Variants in OTOF observed in about 807,000 individuals in gnomAD.
OTOF encodes otoferlin.
In OTOF, 218 loss-of-function variants were observed where a neutral mutation model predicts 236.8. The ratio of observed to expected loss-of-function variants is 0.92; its 90% confidence interval spans 0.82 to 1.03. The LOEUF (loss-of-function observed/expected upper bound fraction) is 1.03. Among genes scored for constraint, OTOF ranks in the 50% least tolerant of loss-of-function variants. The pLI is 0.00. For missense variants in OTOF, 2,590 were observed against 2,694.4 expected, an observed-to-expected ratio of 0.96 and a Z score of 0.86; for synonymous variants, 1,041 against 1,072.5, an observed-to-expected ratio of 0.97 and a Z score of 0.57.
At chr2:26,519,909 T>C (rs184095633) in intron 3 of OTOF, among the ~76,000 whole-genome samples, 47 of 152,358 alleles carry the variant, frequency 3.1e-4, no homozygotes, top group African/African-American at 1.1e-3. Flanking sequence ...ATTCATGTAC[T>C]GCCTCTAAAC....
In OTOF at chr2:26,460,103, G is replaced by A. The variant is rs753228900; in HGVS notation, c.5916C>T (p.Leu1972=). The A allele has an allele frequency of 6.3e-6, 10 of 1,585,560 alleles. No homozygotes were observed. The Admixed American group carries it at 9.0e-5, about 14-fold the overall frequency. ...YRWLLLKLLL[L]LLLLLLLALF... is the part of the protein sequence containing the mutation. Reference sequence around the variant, plus strand: ...GGGCGAGGAGGAGGAGCAGCAGCAGGAGCAGCAACAGTTTGAGGAGCAGCC... The same window carrying A: ...GGGCGAGGAGGAGGAGCAGCAGCAGAAGCAGCAACAGTTTGAGGAGCAGCC... The change falls in exon 46 of 47, where the codon CTC becomes CTT. Residue 1972 remains leucine, a synonymous_variant. Transcript: ENST00000272371. This position sits in a 1 kb window ranked among gnomAD's most constrained non-coding sequence, Gnocchi z 5.3.
At chr2:26,518,647 G>C (rs1428845231) in intron 4 of OTOF, among the ~76,000 whole-genome samples, 1 of 152,284 alleles carries the variant, frequency 6.6e-6, no homozygotes, top group Non-Finnish European at 1.5e-5. Context: ...CGAGCCAGAT[G>C]TGCAGAGTGA....
At chr2:26,468,301 G>T (rs1664826678) in intron 33 of OTOF, 107 bp downstream of exon 33, 2 of 851,546 alleles carry the variant, frequency 2.3e-6, no homozygotes, top group Non-Finnish European at 4.1e-6. Flanking sequence ...TACTAAGGCT[G>T]GGAGGGCTGG....
At chr2:26,468,086 ACATC>A (rs1457919024) in intron 33 of OTOF, among the ~76,000 whole-genome samples, 2 of 152,174 alleles carry the variant, frequency 1.3e-5, no homozygotes, top group Admixed American at 6.5e-5. Flanking sequence ...TCCTTCTAGA[ACATC>A]CATCAATTTT....
At chr2:26,518,738 G>T (rs545240825) in intron 4 of OTOF, among the ~76,000 whole-genome samples, 1 of 152,354 alleles carries the variant, frequency 6.6e-6, no homozygotes, top group East Asian at 1.9e-4. Context: ...TCCTGAGCTG[G>T]GTCCAAATGG....
At chr2:26,483,004 CAT>C (rs1665599306) in intron 13 of OTOF, among the ~76,000 whole-genome samples, 1 of 56,674 alleles carries the variant, frequency 1.8e-5, no homozygotes, top group Non-Finnish European at 3.5e-5. Flanking sequence ...TGCATGTGTG[CAT>C]GTGTGAATGG....
chr2:26,545,294 C>G (rs550894510), intron 1 of OTOF, among the ~76,000 whole-genome samples: 3 of 152,070 alleles, frequency 2.0e-5, no homozygotes, highest in Admixed American at 2.0e-4. Context: ...ATTGGCCATA[C>G]GTCTATCTTA....
chr2:26,479,769 G>A (rs1360086420), intron 16 of OTOF, 116 bp from the exon 17 acceptor site: 1 of 976,320 alleles, frequency 1.0e-6, no homozygotes, highest in Non-Finnish European at 1.6e-6. Context: ...CAGGGAATGG[G>A]GCTCAGACGT....
At chr2:26,541,325 G>T (rs906967954) in intron 1 of OTOF, among the ~76,000 whole-genome samples, 6 of 152,160 alleles carry the variant, frequency 3.9e-5, no homozygotes, top group South Asian at 2.1e-4. Context: ...ATACATCAGG[G>T]TTCTGTTTCA....
chr2:26,460,013 A>C lies in OTOF; in HGVS notation c.*12T>G. ...AGAAGTAAGAAATATCAGACCCAGG[A>C]GGCCACTGGGCTCAGGCCCCGAGGA... On this transcript the variant is annotated 3_prime_UTR_variant, in exon 46 of 47. Transcript: ENST00000272371. The surrounding 1 kb of genome is among the most constrained non-coding windows in gnomAD (Gnocchi z 5.3). 1 of 1,562,402 alleles carries C rather than the reference A, an allele frequency of 6.4e-7. No individual in the cohort carries two copies. The highest frequency in any genetic ancestry group is 1.2e-5 in the South Asian group (1 of 84,768).
Position 26,527,826 on chromosome 2 carries a change from A to G in OTOF, c.227+6T>C, listed in dbSNP as rs749562278. 6.2e-7 allele frequency: 1 copy of G among 1,605,234 alleles called. No homozygotes were observed. Among genetic ancestry groups the G allele is most frequent in the Non-Finnish European group, 8.5e-7 (1 of 1,172,038 alleles). ...CCCAGCCCCTCCTGCCCCATCCCAC[A>G]CTTACTTGTTGCTGAAGACTTTGCT... On this transcript the variant is annotated splice_donor_region_variant and intron_variant, in intron 3 of 46. Coordinates refer to ENST00000272371, the MANE Select transcript of OTOF (RefSeq NM_194248.3).
intron 18 of OTOF, 73 bp downstream of exon 18, chr2:26,479,191 T>C (rs1572433758): frequency 6.9e-7 from 1 of 1,443,034 alleles, no homozygotes; most frequent in Non-Finnish European, 9.2e-7. Context: ...CTTTGTGTGT[T>C]CCAGGGAAGG....
At chr2:26,556,158 G>A (rs930457425) in intron 1 of OTOF, among the ~76,000 whole-genome samples, 2 of 152,168 alleles carry the variant, frequency 1.3e-5, no homozygotes, top group Non-Finnish European at 2.9e-5. Context: ...CACCTCCCCC[G>A]GCATTGACTT....
At chr2:26,486,269 G>C (rs1665698154) in intron 11 of OTOF, among the ~76,000 whole-genome samples, 1 of 140,254 alleles carries the variant, frequency 7.1e-6, no homozygotes, top group Non-Finnish European at 1.6e-5. Context: ...TGGGTGGATG[G>C]ATGGATATAT....
intron 9 of OTOF, among the ~76,000 whole-genome samples, chr2:26,491,327 G>A (rs1333666043): frequency 1.3e-5 from 2 of 152,138 alleles, no homozygotes; most frequent in South Asian, 2.1e-4. Flanking sequence ...GTGACTGGGG[G>A]GAGGAAGTGA....
At chr2:26,538,228 C>A (rs745852423) in intron 1 of OTOF, among the ~76,000 whole-genome samples, 14 of 152,212 alleles carry the variant, frequency 9.2e-5, no homozygotes, top group Non-Finnish European at 2.1e-4. Flanking sequence ...TGAAGCCCAG[C>A]CTCCTTCTGC....
chr2:26,482,612 A>C lies in OTOF; in HGVS notation c.1393-20T>G, dbSNP rs1665569442. 3.1e-6 allele frequency: 5 copies of C among 1,607,440 alleles called. No individual in the cohort carries two copies. Among genetic ancestry groups the C allele is most frequent in the Non-Finnish European group, 4.3e-6 (5 of 1,176,056 alleles). On this transcript the variant is annotated intron_variant, in intron 13 of 46. Coordinates refer to ENST00000272371, the MANE Select transcript of OTOF (RefSeq NM_194248.3). ...CTTGCCCTGGTGGAAGGGGGAGCAC[A>C]GGTGAGGGCGTGGCATGTGTGTGTG... is the stretch of plus-strand genomic sequence containing the variant.
At chr2:26,508,411 T>G (rs1393320190) in intron 5 of OTOF, among the ~76,000 whole-genome samples, 1 of 152,212 alleles carries the variant, frequency 6.6e-6, no homozygotes, top group Non-Finnish European at 1.5e-5. Context: ...TAGCTTTCCA[T>G]AGGTGGGCAG....
chr2:26,491,182 G>A (rs1163356900), intron 9 of OTOF, among the ~76,000 whole-genome samples: 1 of 152,200 alleles, frequency 6.6e-6, no homozygotes, highest in Non-Finnish European at 1.5e-5. Context: ...CAGGCAGCGG[G>A]ATGAAAGAAA....
Sources: gnomAD v4.1 joint callset for allele counts (sites outside exome capture counted in the v4.1 genomes callset) on GRCh38, gnomAD v4.1.1 for gene constraint, Gnocchi (gnomAD v3.1) non-coding constraint, MANE v1.5 for transcripts, NCBI Gene and HGNC (gene_info 2026-07-23, HGNC 2026-07-21) for gene names.